GBF1: variants seen among roughly 807,000 people sequenced by gnomAD.
GBF1 encodes the protein Golgi-specific brefeldin A-resistance guanine nucleotide exchange factor 1.
Under a neutral mutation model 210.5 loss-of-function variants are expected in GBF1, and 114 were observed. The ratio of observed to expected loss-of-function variants is 0.54; its 90% confidence interval spans 0.47 to 0.63. The LOEUF is 0.63. Ranked by LOEUF, GBF1 falls within the 30% of genes least tolerant of loss-of-function variation. GBF1 has a pLI of 0.00. For missense variants in GBF1, 1,851 were observed against 2,357.7 expected, an observed-to-expected ratio of 0.79 and a Z score of 4.45; for synonymous variants, 850 against 889.2, an observed-to-expected ratio of 0.96 and a Z score of 0.78.
rs192132695 is a variant in GBF1 at position 102,338,282 on chromosome 10, C to T, written c.164-5769C>T. On this transcript the variant is annotated intron_variant, in intron 3 of 39. Transcript: ENST00000369983. ...TTGAGACAGAGTCTCCTTCTGTCAC[C>T]CAGGCTGGAGTGCAGTGGTGCAGTC... Among the ~76,000 whole-genome samples, 5 of 145,908 alleles carry T rather than the reference C, an allele frequency of 3.4e-5. No individual in the cohort carries two copies. The East Asian group carries it at 8.0e-4, about 23-fold the overall frequency.
At chr10:102,359,085 T>C (rs2059447601) in intron 10 of GBF1, 182 bp from the exon 11 acceptor site, 1 of 609,592 alleles carries the variant, frequency 1.6e-6, no homozygotes, top group South Asian at 2.0e-5. Context: ...TCAGGAGATG[T>C]TTTTCTGAGT....
intron 29 of GBF1, among the ~76,000 whole-genome samples, chr10:102,371,593 G>GC (rs1382112589): frequency 4.6e-5 from 7 of 152,308 alleles, no homozygotes; most frequent in Admixed American, 4.6e-4. Flanking sequence ...AGATGGAAAG[G>GC]CACAAGCTCT....
chr10:102,369,145 G>C (rs1479232203), intron 23 of GBF1, 66 bp from the exon 24 acceptor site: 1 of 1,165,902 alleles, frequency 8.6e-7, no homozygotes, highest in Non-Finnish European at 1.3e-6. Flanking sequence ...CATAGGCAGA[G>C]ACCTAAGAGA....
chr10:102,338,388 G>A (rs1387471702), intron 3 of GBF1, among the ~76,000 whole-genome samples: 1 of 151,474 alleles, frequency 6.6e-6, no homozygotes, highest in East Asian at 2.0e-4. Context: ...TTACAGGCAC[G>A]TGCCACCACA....
In GBF1 at chr10:102,358,736, C is replaced by T; in HGVS notation, c.1011+7C>T. 6.3e-7 allele frequency: 1 copy of T among 1,580,748 alleles called. No individual in the cohort carries two copies. The highest frequency in any genetic ancestry group is 8.7e-7 in the Non-Finnish European group (1 of 1,150,064). ...CGAGCAGCCTGACCTCCAGGTATGG[C>T]TTTGATTTTTAATGTCCCTCTTCAG... On this transcript the variant is annotated splice_region_variant and intron_variant, in intron 10 of 39. Transcript: ENST00000369983.
intron 3 of GBF1, among the ~76,000 whole-genome samples, chr10:102,310,701 G>T (rs750723734): frequency 5.3e-5 from 8 of 152,208 alleles, no homozygotes; most frequent in Non-Finnish European, 8.8e-5. Flanking sequence ...TGAGGAAGGG[G>T]TTGATTTTTC....
chr10:102,250,524 A>C (rs1260581273), intron 1 of GBF1, among the ~76,000 whole-genome samples: 3 of 143,448 alleles, frequency 2.1e-5, no homozygotes, highest in Admixed American at 6.9e-5. Context: ...TGTCCCACTA[A>C]TTTTTTTTTT....
chr10:102,290,263 T>G (rs185980849), intron 3 of GBF1, among the ~76,000 whole-genome samples: 9 of 152,324 alleles, frequency 5.9e-5, no homozygotes, highest in East Asian at 1.9e-4. Context: ...CTATAGAACC[T>G]TGCTGAAATT....
At position 102,361,818 on chromosome 10, in the gene GBF1, G is replaced by A. The variant is rs1302695631; in HGVS notation, c.1592G>A (p.Arg531His). 1.2e-5 allele frequency: 20 copies of A among 1,613,116 alleles called. No homozygotes were observed. The highest frequency in any genetic ancestry group is 4.5e-5 in the East Asian group (2 of 44,878). Reference protein sequence around the residue: ...MALEAIVQLWRIPSFVTELYI... With the variant: ...MALEAIVQLWHIPSFVTELYI... ...CTGGAGGCCATTGTGCAGCTCTGGC[G>A]CATCCCCAGCTTTGTCACAGAGCTC... The change falls in exon 14 of 40, where the codon CGC becomes CAC. Residue 531 changes from arginine to histidine, a missense_variant. Physicochemically the swap from Arg to His is conservative, Grantham distance 29. Coordinates refer to ENST00000369983, the MANE Select transcript of GBF1 (RefSeq NM_001377137.1).
In GBF1 at chr10:102,375,520, C is replaced by T. The variant is rs142362135; in HGVS notation, c.3822C>T (p.Ile1274=). The change falls in exon 30 of 40, where the codon ATC becomes ATT. Residue 1274 remains isoleucine (I), a synonymous_variant. Coordinates refer to ENST00000369983, the MANE Select transcript of GBF1 (RefSeq NM_001377137.1). ...WATLFTLLEC[I]GSGVKPPAAL... is the part of the protein sequence containing the mutation. ...CACTCTTCACACTGCTGGAGTGCAT[C>T]GGCTCAGGTGTGAAGCCTCCAGCTG... 317 of 1,614,036 alleles carry T rather than the reference C, an allele frequency of 2.0e-4. 5 individuals are homozygous for T. In the South Asian group the frequency reaches 3.2e-3, roughly 16 times the overall value.
At chr10:102,296,429 A>G (rs1192921971) in intron 3 of GBF1, among the ~76,000 whole-genome samples, 1 of 152,160 alleles carries the variant, frequency 6.6e-6, no homozygotes, top group African/African-American at 2.4e-5. Context: ...AGGTCTAAGG[A>G]TAGTTATATT....
At chr10:102,327,398 G>T (rs894483227) in intron 3 of GBF1, among the ~76,000 whole-genome samples, 1 of 152,178 alleles carries the variant, frequency 6.6e-6, no homozygotes, top group African/African-American at 2.4e-5. Flanking sequence ...GAGCACTTTC[G>T]CTCTTAGGTA....
intron 33 of GBF1, 94 bp downstream of exon 33, chr10:102,377,234 C>T: frequency 2.1e-6 from 2 of 936,724 alleles, no homozygotes; most frequent in Non-Finnish European, 3.3e-6. Context: ...GGGAAGGGCC[C>T]ATGTGTGCCA....
At chr10:102,318,809 C>G (rs1302468079) in intron 3 of GBF1, among the ~76,000 whole-genome samples, 2 of 152,196 alleles carry the variant, frequency 1.3e-5, no homozygotes, top group Admixed American at 1.3e-4. Context: ...TATTGACTTC[C>G]TACTCCTACA....
chr10:102,350,456 G>A (rs2058879013), intron 4 of GBF1, among the ~76,000 whole-genome samples: 2 of 151,974 alleles, frequency 1.3e-5, no homozygotes, highest in African/African-American at 4.8e-5. Flanking sequence ...ATTCAGTTGC[G>A]CCTGAACACA....
At chr10:102,237,969 T>A in the GBF1 span, among the ~76,000 whole-genome samples, 1 of 151,816 alleles carries the variant, frequency 6.6e-6, no homozygotes, top group Non-Finnish European at 1.5e-5. Flanking sequence ...AAAAACAGCA[T>A]CTTTGTGACC....
At chr10:102,350,803 G>T (rs920510065) in intron 4 of GBF1, among the ~76,000 whole-genome samples, 7 of 152,126 alleles carry the variant, frequency 4.6e-5, no homozygotes, top group Admixed American at 4.6e-4. Flanking sequence ...CAGTTATGGG[G>T]CCGGGTGCAG....
At chr10:102,232,043 C>T in the GBF1 span, 3 of 1,604,976 alleles carry the variant, frequency 1.9e-6, no homozygotes, top group Non-Finnish European at 2.5e-6. Context: ...CAGGGCAGGG[C>T]TCCGGGCCTC....
At chr10:102,323,187 C>G (rs12219672) in intron 3 of GBF1, among the ~76,000 whole-genome samples, 1 of 146,622 alleles carries the variant, frequency 6.8e-6, no homozygotes, top group Non-Finnish European at 1.5e-5. Context: ...TGACCTAGCT[C>G]TCCTGCAGGG....
Sources: gnomAD v4.1 joint callset for allele counts (sites outside exome capture counted in the v4.1 genomes callset) on GRCh38, gnomAD v4.1.1 for gene constraint, MANE v1.5 for transcripts, NCBI Gene and HGNC (gene_info 2026-07-23, HGNC 2026-07-21) for gene names.